The following DNAH7 variants were observed in gnomAD, a reference collection of about 807,000 sequenced individuals.
The protein encoded by DNAH7 is dynein axonemal heavy chain 7.
A neutral mutation model predicts 444.6 loss-of-function variants in DNAH7; 397 were observed. The ratio of observed to expected loss-of-function variants is 0.89; its 90% CI spans 0.82 to 0.97. The LOEUF (loss-of-function observed/expected upper bound fraction) is 0.97. Among genes scored for constraint, DNAH7 ranks in the 50% least tolerant of loss-of-function variants. The pLI is 0.00. For synonymous variants in DNAH7, 1,636 were observed against 1,624.4 expected (o/e 1.01, Z -0.17); for missense variants, 4,902 against 4,800.8 (o/e 1.02, Z -0.62).
intron 5 of DNAH7, among the ~76,000 whole-genome samples, chr2:196,046,507 T>C (rs982540650): frequency 6.6e-6 from 1 of 152,180 alleles, no homozygotes; most frequent in Non-Finnish European, 1.5e-5. Context: ...TACTGCTTGT[T>C]TGATCTGAGA....
intron 57 of DNAH7, 129 bp from the exon 58 acceptor site, chr2:195,787,300 CAATTAT>C (rs1045859782): frequency 3.1e-6 from 3 of 962,858 alleles, no homozygotes; most frequent in African/African-American, 1.7e-5. Context: ...TCCCAAATTA[CAATTAT>C]AACAGAGTTA....
chr2:195,923,027 C>T (rs2125354831), intron 23 of DNAH7, among the ~76,000 whole-genome samples: 1 of 152,190 alleles, frequency 6.6e-6, no homozygotes, highest in Admixed American at 6.5e-5. Flanking sequence ...ATGTGCCCAG[C>T]TAATTTTTGT....
chr2:195,740,615 GTA>G lies in DNAH7; in HGVS notation c.11868+149_11868+150del, dbSNP rs1238331047. ...TGTGTGTGTGTGTGTGTGTGTGTGT[GTA>G]TATATATATATATATATATATATAT... On this transcript the variant is annotated intron_variant, in intron 64 of 64. Coordinates refer to ENST00000312428, the MANE Select transcript of DNAH7 (RefSeq NM_018897.3). 2.5e-3 allele frequency: 179 copies of G among 71,480 alleles called. 1 individual carries two copies. The highest frequency in any genetic ancestry group is 8.8e-3 in the African/African-American group (161 of 18,210). The allele number at this position is 71,480 out of a possible 1,614,324, so 4.4% of individuals were successfully genotyped here. A position where few individuals can be genotyped will look rare whatever the true frequency, so the allele number is the denominator to read the frequency against.
chr2:195,927,500 GAAGC>G (rs991629653), intron 21 of DNAH7, among the ~76,000 whole-genome samples: 2 of 150,442 alleles, frequency 1.3e-5, no homozygotes, highest in East Asian at 3.9e-4. Context: ...AGGGATGAGA[GAAGC>G]AAGTAAATAA....
Position 196,064,214 on chromosome 2 carries a change from C to T in DNAH7, c.15+4483G>A, listed in dbSNP as rs561361628. On this transcript the variant is annotated intron_variant, in intron 1 of 64. Coordinates refer to ENST00000312428, the MANE Select transcript of DNAH7 (RefSeq NM_018897.3). ...CCTGTAGTCCTAGCTACTCAGGAGG[C>T]TGAGGCAGGAGAATGGCGTGAACCT... is the stretch of plus-strand genomic sequence containing the variant. Among the ~76,000 whole-genome samples, 3 of 151,742 alleles carry T rather than the reference C, an allele frequency of 2.0e-5. No homozygotes were observed. The South Asian group carries it at 6.2e-4, about 32-fold the overall frequency.
At chr2:195,809,683 T>G (rs1334469858) in intron 52 of DNAH7, 62 bp downstream of exon 52, 2 of 1,383,158 alleles carry the variant, frequency 1.4e-6, no homozygotes, top group South Asian at 1.8e-5. Flanking sequence ...CCATACAAAT[T>G]AATAAATTAA....
Position 195,806,818 on chromosome 2 carries a change from C to T in DNAH7, c.10098G>A (p.Glu3366=), listed in dbSNP as rs1439788671. 2 of 1,613,016 alleles carry T rather than the reference C, an allele frequency of 1.2e-6. No homozygotes were observed. Among genetic ancestry groups the T allele is most frequent in the Non-Finnish European group, 1.7e-6 (2 of 1,179,496 alleles). The change falls in exon 54 of 65, where the codon GAG becomes GAA. Residue 3366 remains glutamate (E), a synonymous_variant. Transcript: ENST00000312428. ...KVYDSLEPHH[E]VFPEEWEDKA... is the part of the protein sequence containing the mutation. ...TATCTTCCCATTCTTCAGGGAAAAC[C>T]TCATGGTGTGGTTCCTAAAATTACA...
intron 47 of DNAH7, among the ~76,000 whole-genome samples, chr2:195,840,817 T>C (rs1326409279): frequency 2.0e-5 from 3 of 151,774 alleles, no homozygotes; most frequent in African/African-American, 7.2e-5. Flanking sequence ...CACAAAGAAA[T>C]ACACTGTGTT....
intron 42 of DNAH7, among the ~76,000 whole-genome samples, chr2:195,861,159 T>C (rs1375027560): frequency 2.0e-5 from 3 of 152,172 alleles, no homozygotes; most frequent in African/African-American, 7.2e-5. Context: ...CTTAATGTTA[T>C]AATGTTTTTA....
At chr2:195,941,425 G>C (rs1421605835) in intron 19 of DNAH7, among the ~76,000 whole-genome samples, 1 of 144,506 alleles carries the variant, frequency 6.9e-6, no homozygotes, top group Non-Finnish European at 1.5e-5. Context: ...AATGCATGCA[G>C]GGCTTAAAAC....
At chr2:195,930,080 C>T (rs554262603) in intron 21 of DNAH7, among the ~76,000 whole-genome samples, 3 of 152,282 alleles carry the variant, frequency 2.0e-5, no homozygotes, top group Admixed American at 6.5e-5. Context: ...TGCGCTGGCT[C>T]ACGCCTGTAA....
rs1298995357 is a variant in DNAH7 at position 195,858,709 on chromosome 2, G to A, written c.7832C>T (p.Ala2611Val). ...AGCAACTTTTAATTGAGGATGTAGT[G>A]CCTCCAACTCCATCTGCATTGTGGC... ...QVATMQMELE[A>V]LHPQLKVASK... Residue 2611 changes from alanine to valine, a missense_variant, in exon 43 of 65, where the codon GCA becomes GTA. By Grantham distance (64) the Ala-to-Val change is moderately conservative. Coordinates refer to ENST00000312428, the MANE Select transcript of DNAH7 (RefSeq NM_018897.3). 1.2e-6 allele frequency: 2 copies of A among 1,613,912 alleles called. No individual in the cohort carries two copies. The highest frequency in any genetic ancestry group is 4.5e-5 in the East Asian group (2 of 44,884).
At chr2:195,897,791 A>T in intron 28 of DNAH7, 26 bp from the exon 29 acceptor site, 1 of 1,353,084 alleles carries the variant, frequency 7.4e-7, no homozygotes, top group African/African-American at 1.5e-5. Context: ...AAAACTCATG[A>T]GGATATCTGC....
At chr2:195,856,811 C>A (rs549448132) in intron 44 of DNAH7, among the ~76,000 whole-genome samples, 1 of 152,116 alleles carries the variant, frequency 6.6e-6, no homozygotes, top group Non-Finnish European at 1.5e-5. Context: ...CCAACTAAAC[C>A]TCTGTGTGAT....
intron 24 of DNAH7, among the ~76,000 whole-genome samples, chr2:195,920,481 A>G (rs765396418): frequency 3.3e-5 from 5 of 152,208 alleles, no homozygotes; most frequent in Admixed American, 6.5e-5. Flanking sequence ...AGGACATGCT[A>G]TTCAACAAAT....
intron 21 of DNAH7, among the ~76,000 whole-genome samples, chr2:195,934,324 G>C (rs1452625175): frequency 1.3e-5 from 2 of 152,164 alleles, no homozygotes; most frequent in African/African-American, 2.4e-5. Flanking sequence ...GAAAGCACTA[G>C]CATGTGGCCA....
At chr2:195,984,239 G>A (rs1203757287) in intron 15 of DNAH7, among the ~76,000 whole-genome samples, 3 of 152,198 alleles carry the variant, frequency 2.0e-5, no homozygotes, top group Non-Finnish European at 4.4e-5. Flanking sequence ...ACCCAACAGG[G>A]TGACCCCATG....
chr2:195,947,545 T>C (rs1162409270), intron 19 of DNAH7, among the ~76,000 whole-genome samples: 1 of 152,114 alleles, frequency 6.6e-6, no homozygotes, highest in Non-Finnish European at 1.5e-5. Context: ...CATGTAGTGT[T>C]TGGTTTTCTG....
chr2:195,927,520 TA>T (rs923609006), intron 21 of DNAH7, among the ~76,000 whole-genome samples: 55 of 151,404 alleles, frequency 3.6e-4, no homozygotes, highest in African/African-American at 1.3e-3. Flanking sequence ...AATAAATAAA[TA>T]AATAAATTAA....
Sources: allele counts gnomAD v4.1 joint callset (sites outside exome capture counted in the v4.1 genomes callset), GRCh38; gene constraint gnomAD v4.1.1; transcripts MANE v1.5; gene names NCBI Gene and HGNC (gene_info 2026-07-23, HGNC 2026-07-21).